The following TBL1XR1 variants were observed in gnomAD, a reference collection of about 807,000 sequenced individuals.
TBL1XR1 encodes TBL1X/Y related 1.
In TBL1XR1, 5 loss-of-function variants were observed where a neutral mutation model predicts 66.9. The ratio of observed to expected loss-of-function variants is 0.07; its 90% CI spans 0.04 to 0.16. The LOEUF (loss-of-function observed/expected upper bound fraction) is 0.16, where lower values mean the gene tolerates loss of function less well. TBL1XR1 is among the 10% of genes least tolerant of loss of function. TBL1XR1 has a pLI of 1.00. For missense variants in TBL1XR1, 238 were observed against 623.2 expected, an observed-to-expected ratio of 0.38 and a Z score of 6.58; for synonymous variants, 210 against 206.0, an observed-to-expected ratio of 1.02 and a Z score of -0.17.
In TBL1XR1 at chr3:177,112,096, TA is replaced by T. The variant is rs1560188606; in HGVS notation, c.-121-13556del. Among the ~76,000 whole-genome samples, 23 of 51,340 alleles carry T rather than the reference TA, an allele frequency of 4.5e-4. 1 individual carries two copies. Among genetic ancestry groups the T allele is most frequent in the East Asian group, 6.7e-4 (1 of 1,484 alleles). The allele number at this position is 51,340 out of a possible 152,430, so 33.7% of individuals were successfully genotyped here. On this transcript the variant is annotated intron_variant, in intron 1 of 15. Coordinates refer to ENST00000457928, the MANE Select transcript of TBL1XR1 (RefSeq NM_024665.7). ...TCAAATATATATATATATATATATA[TA>T]TATATATATATTTTTTTTTTTTTTT...
At chr3:177,050,377 C>T in intron 6 of TBL1XR1, 101 bp downstream of exon 6, 1 of 1,424,780 alleles carries the variant, frequency 7.0e-7, no homozygotes, top group Non-Finnish European at 9.4e-7. Flanking sequence ...GACAAAATGG[C>T]CACAACTAAG....
intron 1 of TBL1XR1, among the ~76,000 whole-genome samples, chr3:177,172,641 G>GAGAGAGAGAC (rs1431735329): frequency 8.0e-6 from 1 of 125,544 alleles, no homozygotes; most frequent in Non-Finnish European, 1.7e-5. Context: ...AGAAGAGAGA[G>GAGAGAGAGAC]AGAGAGAAAG....
intron 3 of TBL1XR1, among the ~76,000 whole-genome samples, chr3:177,058,836 G>C (rs1718144561): frequency 6.6e-6 from 1 of 152,140 alleles, no homozygotes; most frequent in South Asian, 2.1e-4. Context: ...CCTTTGATAA[G>C]TGTGCTAGCA....
chr3:177,059,319 A>C (rs1016698612), intron 3 of TBL1XR1, among the ~76,000 whole-genome samples: 7 of 152,342 alleles, frequency 4.6e-5, no homozygotes, highest in Non-Finnish European at 1.0e-4. Flanking sequence ...AATATTCATT[A>C]GCCATTACAG....
intron 1 of TBL1XR1, among the ~76,000 whole-genome samples, chr3:177,110,115 A>G (rs958977386): frequency 1.3e-5 from 2 of 152,198 alleles, no homozygotes; most frequent in Admixed American, 6.5e-5. Flanking sequence ...ATTATAATTG[A>G]CATGTTGTAT....
intron 1 of TBL1XR1, 57 bp from the exon 2 acceptor site, chr3:177,098,598 G>GTTTTA (rs1219107375): frequency 2.3e-6 from 2 of 870,060 alleles, no homozygotes; most frequent in Non-Finnish European, 2.8e-6. Context: ...CAGTTTAAAA[G>GTTTTA]ATTTTCCATA....
chr3:177,098,866 A>C (rs1723834130), intron 1 of TBL1XR1, among the ~76,000 whole-genome samples: 1 of 152,230 alleles, frequency 6.6e-6, no homozygotes, highest in Non-Finnish European at 1.5e-5. Context: ...GTATGTTCAT[A>C]ATCTATAATC....
intron 12 of TBL1XR1, chr3:177,037,839 C>T: frequency 2.9e-6 from 1 of 341,258 alleles, no homozygotes; most frequent in Non-Finnish European, 5.4e-6. Context: ...CTGGAGAGCC[C>T]TAACTAATAG....
chr3:177,126,275 C>G (rs1727620468), intron 1 of TBL1XR1, among the ~76,000 whole-genome samples: 1 of 152,134 alleles, frequency 6.6e-6, no homozygotes, highest in South Asian at 2.1e-4. Flanking sequence ...AACAAGTTAG[C>G]AGGAGATGTT....
chr3:177,046,171 C>A lies in TBL1XR1; in HGVS notation c.883G>T (p.Ala295Ser). The A allele has an allele frequency of 6.5e-7, 1 of 1,536,562 alleles. No individual in the cohort carries two copies. Among genetic ancestry groups the A allele is most frequent in the Non-Finnish European group, 8.8e-7 (1 of 1,142,598 alleles). Residue 295 changes from alanine (A) to serine (S), a missense_variant, in exon 10 of 16, where the codon GCA becomes TCA. Coordinates refer to ENST00000457928, the MANE Select transcript of TBL1XR1 (RefSeq NM_024665.7). ...GVDKTTIIWDAHTGEAKQQFP... is the reference protein window; with the variant it reads ...GVDKTTIIWDSHTGEAKQQFP... ...TGTTGCTTGGCTTCACCAGTATGTG[C>A]GTCCCAAATAATTGTAGTCTGAGAT...
chr3:177,192,946 A>G (rs182543892), intron 1 of TBL1XR1, among the ~76,000 whole-genome samples: 21 of 152,184 alleles, frequency 1.4e-4, no homozygotes, highest in Non-Finnish European at 2.8e-4. Context: ...TGAGGTCAGG[A>G]GTTCGAGACC....
intron 1 of TBL1XR1, among the ~76,000 whole-genome samples, chr3:177,174,396 G>GGAGATGGAC (rs1733918112): frequency 2.6e-5 from 3 of 116,344 alleles, no homozygotes; most frequent in African/African-American, 1.0e-4. Context: ...GTGACAGAGC[G>GGAGATGGAC]AGACTCCATC....
At chr3:177,114,191 CCTCT>C (rs1317639080) in intron 1 of TBL1XR1, among the ~76,000 whole-genome samples, 1 of 151,148 alleles carries the variant, frequency 6.6e-6, no homozygotes, top group African/African-American at 2.5e-5. Flanking sequence ...TTCAACCATT[CCTCT>C]CTCTATATGT....
At chr3:177,171,022 T>C (rs1019882009) in intron 1 of TBL1XR1, among the ~76,000 whole-genome samples, 2 of 151,844 alleles carry the variant, frequency 1.3e-5, no homozygotes, top group Non-Finnish European at 1.5e-5. Context: ...AAAACTATTA[T>C]ACAATCACGT....
chr3:177,079,710 T>C (rs1241524056), intron 2 of TBL1XR1: 1 of 149,806 alleles, frequency 6.7e-6, no homozygotes, highest in Non-Finnish European at 1.5e-5. Flanking sequence ...ATATAATCAA[T>C]TAAAATAAAT....
chr3:177,068,123 T>C (rs1719409262), intron 2 of TBL1XR1, among the ~76,000 whole-genome samples: 1 of 152,200 alleles, frequency 6.6e-6, no homozygotes, highest in Non-Finnish European at 1.5e-5. Flanking sequence ...TCAAAGAGCT[T>C]ATGGCTTATT....
chr3:177,064,563 A>G (rs2108538681), intron 3 of TBL1XR1, among the ~76,000 whole-genome samples: 1 of 152,342 alleles, frequency 6.6e-6, no homozygotes, highest in East Asian at 1.9e-4. Context: ...ACTAACTACA[A>G]TTAGGACCAA....
intron 2 of TBL1XR1, among the ~76,000 whole-genome samples, chr3:177,085,098 G>T (rs938047604): frequency 6.6e-6 from 1 of 152,148 alleles, no homozygotes; most frequent in East Asian, 1.9e-4. Context: ...AGGCCTCCAG[G>T]AACTGAAAAG....
intron 1 of TBL1XR1, among the ~76,000 whole-genome samples, chr3:177,167,828 G>A (rs910759564): frequency 9.2e-5 from 14 of 152,084 alleles, no homozygotes; most frequent in Non-Finnish European, 1.8e-4. Context: ...CTAGCTACTC[G>A]GGAGGCTGAG....
Sources: gnomAD v4.1 joint callset for allele counts (sites outside exome capture counted in the v4.1 genomes callset) on GRCh38, gnomAD v4.1.1 for gene constraint, MANE v1.5 for transcripts, NCBI Gene and HGNC (gene_info 2026-07-23, HGNC 2026-07-21) for gene names.